The following UBE2E2 variants were observed in gnomAD, a reference collection of about 807,000 sequenced individuals.
UBE2E2 encodes the protein ubiquitin conjugating enzyme E2 E2, also known as ubiquitin-conjugating enzyme E2 E2.
A neutral mutation model predicts 24.7 loss-of-function variants in UBE2E2; 6 were observed. The ratio of observed to expected loss-of-function variants is 0.24; its 90% CI spans 0.13 to 0.48. The LOEUF (loss-of-function observed/expected upper bound fraction) is 0.48. Among genes scored for constraint, UBE2E2 ranks in the 20% least tolerant of loss-of-function variants. The pLI is 0.99. For missense variants in UBE2E2, 169 were observed against 245.0 expected, an observed-to-expected ratio of 0.69 and a Z score of 2.07; for synonymous variants, 104 against 83.6, an observed-to-expected ratio of 1.24 and a Z score of -1.33.
intron 3 of UBE2E2, among the ~76,000 whole-genome samples, chr3:23,281,028 G>A (rs1186007113): frequency 6.6e-6 from 1 of 152,168 alleles, no homozygotes; most frequent in Non-Finnish European, 1.5e-5. Context: ...GAAAGACCTT[G>A]TGTCTCTTCT....
intron 3 of UBE2E2, among the ~76,000 whole-genome samples, chr3:23,390,232 C>T (rs1696901858): frequency 6.6e-6 from 1 of 152,122 alleles, no homozygotes; most frequent in South Asian, 2.1e-4. Flanking sequence ...CCCTGTTTTC[C>T]CTCCCAAATG....
intron 3 of UBE2E2, among the ~76,000 whole-genome samples, chr3:23,444,661 T>A (rs555929155): frequency 6.6e-6 from 1 of 152,340 alleles, no homozygotes; most frequent in East Asian, 1.9e-4. Context: ...GCTCCAACAC[T>A]GCAGGAAGTC....
At chr3:23,541,843 C>T (rs148353190) in intron 5 of UBE2E2, among the ~76,000 whole-genome samples, 5 of 152,284 alleles carry the variant, frequency 3.3e-5, no homozygotes, top group South Asian at 2.1e-4. Context: ...TACCTTTTGA[C>T]GTGACTCTTT....
chr3:23,565,808 G>A lies in UBE2E2; in HGVS notation c.509-23926G>A, dbSNP rs79965216. On this transcript the variant is annotated intron_variant, in intron 5 of 5. Coordinates refer to ENST00000396703, the MANE Select transcript of UBE2E2 (RefSeq NM_152653.4). ...TCATTGGAAAGGACTTAGTGTGTTC[G>A]CAGATCACTTTGATAAGCGCTTCTG... is the stretch of plus-strand genomic sequence containing the variant. 9.1e-3 allele frequency among the ~76,000 whole-genome samples: 1,390 copies of A among 152,134 alleles called. 42 individuals carry two copies. The highest frequency in any genetic ancestry group is 0.085 in the East Asian group (440 of 5,174).
intron 3 of UBE2E2, among the ~76,000 whole-genome samples, chr3:23,272,465 G>A (rs182882072): frequency 9.1e-4 from 138 of 152,306 alleles, no homozygotes; most frequent in African/African-American, 3.1e-3. Context: ...GTGCAGCAGC[G>A]GACTGATGGG....
intron 5 of UBE2E2, among the ~76,000 whole-genome samples, chr3:23,556,991 C>G (rs1051847107): frequency 1.3e-5 from 2 of 152,132 alleles, no homozygotes; most frequent in Admixed American, 1.3e-4. Context: ...CAAGTCCCTT[C>G]GGCACATTTC....
intron 3 of UBE2E2, among the ~76,000 whole-genome samples, chr3:23,457,582 T>G (rs1055540788): frequency 4.6e-5 from 7 of 152,256 alleles, no homozygotes. Flanking sequence ...TGGAGTGCAG[T>G]GGCGTGATCA....
intron 3 of UBE2E2, among the ~76,000 whole-genome samples, chr3:23,226,744 G>T (rs778253739): frequency 1.1e-4 from 17 of 152,160 alleles, no homozygotes; most frequent in Non-Finnish European, 2.1e-4. Context: ...GATTTGTTAG[G>T]ACTTTCTAGG....
At chr3:23,497,502 A>C (rs1280852221) in intron 3 of UBE2E2, among the ~76,000 whole-genome samples, 1 of 152,184 alleles carries the variant, frequency 6.6e-6, no homozygotes, top group Non-Finnish European at 1.5e-5. Flanking sequence ...TATGTATTAT[A>C]GTTACTTTTA....
rs189005031 is a variant in UBE2E2 at position 23,246,134 on chromosome 3, T to A, written c.227+28822T>A. 2.3e-3 allele frequency among the ~76,000 whole-genome samples: 355 copies of A among 152,040 alleles called. 3 individuals carry two copies. The highest frequency in any genetic ancestry group is 8.2e-3 in the African/African-American group (338 of 41,440). ...ATCATGGCTCGCCGAAGCCTCCACA[T>A]CCTGGGCTCAAGTGGGGCTCAAGTG... On this transcript the variant is annotated intron_variant, in intron 3 of 5. Transcript: ENST00000396703.
intron 4 of UBE2E2, among the ~76,000 whole-genome samples, chr3:23,504,912 C>CTTTTTTTTTTTTTTT (rs150970405): frequency 0.013 from 1,199 of 94,766 alleles, 235 homozygotes; most frequent in African/African-American, 0.05. Context: ...GACATTCTTT[C>CTTTTTTTTTTTTTTT]TTTTTTTTTT....
At chr3:23,290,025 T>A (rs897061081) in intron 3 of UBE2E2, among the ~76,000 whole-genome samples, 3 of 152,204 alleles carry the variant, frequency 2.0e-5, no homozygotes, top group African/African-American at 7.2e-5. Flanking sequence ...AAGGGGAAAT[T>A]TGAGTTAACA....
chr3:23,341,135 G>T (rs1874502), intron 3 of UBE2E2, among the ~76,000 whole-genome samples: 127,172 of 152,142 alleles, frequency 0.84, 53,199 homozygotes, highest in African/African-American at 0.88. Flanking sequence ...TAGCCTAAAA[G>T]TCTATTTTTT....
chr3:23,375,757 A>G (rs1696505486), intron 3 of UBE2E2, among the ~76,000 whole-genome samples: 2 of 152,182 alleles, frequency 1.3e-5, no homozygotes, highest in South Asian at 4.1e-4. Context: ...TTGCTCTTGA[A>G]TATGCTCTAG....
At chr3:23,362,143 C>A (rs1168013083) in intron 3 of UBE2E2, among the ~76,000 whole-genome samples, 1 of 152,142 alleles carries the variant, frequency 6.6e-6, no homozygotes, top group Non-Finnish European at 1.5e-5. Context: ...AACCCTGACC[C>A]TGTAGGCTGA....
rs118046396 is a variant in UBE2E2 at position 23,252,501 on chromosome 3, T to G, written c.227+35189T>G. Among the ~76,000 whole-genome samples the G allele has an allele frequency of 3.8e-3, 583 of 152,320 alleles. 3 individuals are homozygous for G. The highest frequency in any genetic ancestry group is 0.013 in the African/African-American group (528 of 41,578). ...CAAAACAAGATTAAAAAAAATTTTT[T>G]TTTTTAATTTTTTGAGACGGAGTCT... On this transcript the variant is annotated intron_variant, in intron 3 of 5. Coordinates refer to ENST00000396703, the MANE Select transcript of UBE2E2 (RefSeq NM_152653.4).
intron 3 of UBE2E2, 122 bp from the exon 4 acceptor site, chr3:23,499,486 G>C (rs989165618): frequency 1.7e-5 from 21 of 1,226,496 alleles, no homozygotes; most frequent in South Asian, 4.8e-5. Context: ...TAACATGAGA[G>C]TTAACTGATT....
At chr3:23,444,070 T>TG (rs200031421) in intron 3 of UBE2E2, among the ~76,000 whole-genome samples, 6 of 142,974 alleles carry the variant, frequency 4.2e-5, no homozygotes, top group Admixed American at 7.3e-5. Flanking sequence ...GTTTTGTTTT[T>TG]TTTTTTTTTT....
At chr3:23,549,075 T>G (rs1481602894) in intron 5 of UBE2E2, among the ~76,000 whole-genome samples, 5 of 152,208 alleles carry the variant, frequency 3.3e-5, no homozygotes, top group African/African-American at 1.2e-4. Flanking sequence ...CTAAACTGTT[T>G]CTTTTTTTAA....
Sources: gnomAD v4.1 joint callset for allele counts (sites outside exome capture counted in the v4.1 genomes callset) on GRCh38, gnomAD v4.1.1 for gene constraint, MANE v1.5 for transcripts, NCBI Gene and HGNC (gene_info 2026-07-23, HGNC 2026-07-21) for gene names.